Variants in DLEC1 observed in about 807,000 individuals in gnomAD.
The protein encoded by DLEC1 is DLEC1 cilia and flagella associated protein.
A neutral mutation model predicts 198.1 loss-of-function variants in DLEC1; 146 were observed. The ratio of observed to expected loss-of-function variants is 0.74; its 90% CI spans 0.64 to 0.85. DLEC1 has a LOEUF of 0.85. Ranked by LOEUF, DLEC1 falls within the 40% of genes least tolerant of loss-of-function variation. The probability of loss-of-function intolerance (pLI) is 0.00; values close to 1 mark genes in which losing one functional copy is unlikely to be tolerated. For synonymous variants in DLEC1, 897 were observed against 866.8 expected (o/e 1.03, Z -0.61); for missense variants, 2,233 against 2,220.0 (o/e 1.01, Z -0.12).
intron 27 of DLEC1, among the ~76,000 whole-genome samples, chr3:38,115,828 C>A (rs1700126642): frequency 6.6e-6 from 1 of 151,962 alleles, no homozygotes; most frequent in Admixed American, 6.6e-5. Context: ...TTGACATTGT[C>A]ATGGTGCAGG....
chr3:38,058,721 A>C (rs963918444), intron 2 of DLEC1, among the ~76,000 whole-genome samples: 3 of 152,012 alleles, frequency 2.0e-5, no homozygotes, highest in Non-Finnish European at 4.4e-5. Context: ...GTAAACATGG[A>C]CTTTGGGTGA....
intron 10 of DLEC1, among the ~76,000 whole-genome samples, chr3:38,092,102 G>C (rs527251682): frequency 6.6e-6 from 1 of 152,208 alleles, no homozygotes; most frequent in Non-Finnish European, 1.5e-5. Flanking sequence ...AAAGATATCC[G>C]CACTCTTATG....
rs1192532652 is a variant in DLEC1, at chr3:38,122,569, C to T, written c.*157C>T. 1.3e-6 allele frequency: 2 copies of T among 1,599,038 alleles called. No homozygotes were observed. The highest frequency in any genetic ancestry group is 1.7e-6 in the Non-Finnish European group (2 of 1,175,518). ...GAACCCCCTTCCACAATGGTCTCAG[C>T]CTAGGCCCTCATGATATGTCCTCAG... On this transcript the variant is annotated 3_prime_UTR_variant, in exon 37 of 37. Coordinates refer to ENST00000308059, the MANE Select transcript of DLEC1 (RefSeq NM_007335.4).
In DLEC1 at chr3:38,116,500, C is replaced by A. The variant is rs754911372; in HGVS notation, c.3904C>A (p.Arg1302=). The change falls in exon 28 of 37, where the codon CGG becomes AGG. Residue 1302 remains arginine (R), a synonymous_variant. Transcript: ENST00000308059. ...ETYVPEDKED[R]LVELLVFYGP... is the part of the protein sequence containing the mutation. ...CTATGTTCCAGAAGACAAGGAAGAC[C>A]GGCTGGTGGAGCTGCTGGTGTTTTA... 2 of 1,613,972 alleles carry A rather than the reference C, an allele frequency of 1.2e-6. No homozygotes were observed. Among genetic ancestry groups the A allele is most frequent in the Non-Finnish European group, 1.7e-6 (2 of 1,180,008 alleles).
In DLEC1 at chr3:38,114,440, C is replaced by T; in HGVS notation, c.3765C>T (p.Ala1255=). 1 of 1,614,222 alleles carries T rather than the reference C, an allele frequency of 6.2e-7. No individual in the cohort carries two copies. The highest frequency in any genetic ancestry group is 2.2e-5 in the East Asian group (1 of 44,878). ...LRTTSYTIDQ[A]QKEPAMRFGT... The stretch of plus-strand genomic sequence containing the variant: ...CCACCTCCTACACTATTGACCAGGC[C>T]CAGAAGGAACCAGCCATGAGGTGCT... Residue 1255 remains alanine (A), a synonymous_variant, in exon 26 of 37, where the codon GCC becomes GCT. Coordinates refer to ENST00000308059, the MANE Select transcript of DLEC1 (RefSeq NM_007335.4).
intron 6 of DLEC1, among the ~76,000 whole-genome samples, chr3:38,082,054 G>A (rs1278432882): frequency 7.4e-6 from 1 of 136,022 alleles, no homozygotes; most frequent in East Asian, 2.3e-4. Flanking sequence ...TGGTTGCCAG[G>A]CAGAGGGTCT....
At chr3:38,116,390 G>A in intron 27 of DLEC1, 63 bp from the exon 28 acceptor site, 1 of 1,571,022 alleles carries the variant, frequency 6.4e-7, no homozygotes, top group South Asian at 1.1e-5. Flanking sequence ...TGAGGAGGAG[G>A]GGGCCCCGGG....
intron 14 of DLEC1, 56 bp from the exon 15 acceptor site, chr3:38,096,513 T>C: frequency 6.4e-7 from 1 of 1,570,264 alleles, no homozygotes; most frequent in South Asian, 1.2e-5. Context: ...GCAGGGACAC[T>C]CTAGGATGTG....
At chr3:38,066,663 G>T (rs1220181282) in intron 6 of DLEC1, among the ~76,000 whole-genome samples, 1 of 152,162 alleles carries the variant, frequency 6.6e-6, no homozygotes, top group African/African-American at 2.4e-5. Context: ...TGCTCACCAG[G>T]TACAAAGACA....
In DLEC1 at chr3:38,045,594, C is replaced by T. The variant is rs1559390429; in HGVS notation, c.463C>T (p.His155Tyr). Residue 155 changes from histidine to tyrosine, a missense_variant, in exon 2 of 37, where the codon CAT becomes TAT. Coordinates refer to ENST00000308059, the MANE Select transcript of DLEC1 (RefSeq NM_007335.4). ...RLDEFEMLERHITQAQARAIA... is the reference protein window; with the variant it reads ...RLDEFEMLERYITQAQARAIA... ...GGATGAGTTTGAAATGTTGGAGAGA[C>T]ATATCACTCAGGCCCAAGCACGGGC... The T allele has an allele frequency of 6.2e-7, 1 of 1,614,110 alleles. No individual in the cohort carries two copies. The highest frequency in any genetic ancestry group is 1.1e-5 in the South Asian group (1 of 91,074).
At chr3:38,065,272 A>C (rs1348637983) in intron 6 of DLEC1, among the ~76,000 whole-genome samples, 1 of 152,192 alleles carries the variant, frequency 6.6e-6, no homozygotes, top group African/African-American at 2.4e-5. Context: ...GGTTGTAGTG[A>C]GTCGAGATGG....
chr3:38,076,242 G>T (rs1697611051), intron 6 of DLEC1, among the ~76,000 whole-genome samples: 1 of 152,220 alleles, frequency 6.6e-6, no homozygotes, highest in South Asian at 2.1e-4. Flanking sequence ...AAATTGGTGA[G>T]ATGTTTCTTG....
At chr3:38,090,093 G>A (rs561436683) in intron 10 of DLEC1, among the ~76,000 whole-genome samples, 2 of 152,182 alleles carry the variant, frequency 1.3e-5, no homozygotes, top group South Asian at 4.1e-4. Context: ...CACTTTGGGA[G>A]GTCAAGATAG....
chr3:38,062,768 T>C lies in DLEC1; in HGVS notation c.1061T>C (p.Ile354Thr), dbSNP rs1406361256. 6.2e-7 allele frequency: 1 copy of C among 1,613,900 alleles called. No homozygotes were observed. Among genetic ancestry groups the C allele is most frequent in the African/African-American group, 1.3e-5 (1 of 74,900 alleles). The change falls in exon 5 of 37, where the codon ATA (isoleucine) becomes ACA (threonine). Residue 354 changes from isoleucine to threonine, a missense_variant. By Grantham distance (89) the Ile-to-Thr change is moderately conservative. Coordinates refer to ENST00000308059, the MANE Select transcript of DLEC1 (RefSeq NM_007335.4). Reference protein sequence around the residue: ...LVFPPKKPAPIGEFQSTEPEQ... With the variant: ...LVFPPKKPAPTGEFQSTEPEQ... ...TTTCCTCCAAAGAAGCCAGCACCGATAGGAGAATTCCAGAGTACAGAGCCA... is the reference window on the plus strand; with the variant it reads ...TTTCCTCCAAAGAAGCCAGCACCGACAGGAGAATTCCAGAGTACAGAGCCA...
At chr3:38,076,095 T>C (rs1011460682) in intron 6 of DLEC1, among the ~76,000 whole-genome samples, 1 of 152,124 alleles carries the variant, frequency 6.6e-6, no homozygotes, top group African/African-American at 2.4e-5. Flanking sequence ...CCTTTGTCTC[T>C]ACCAGAAAAT....
intron 20 of DLEC1, among the ~76,000 whole-genome samples, chr3:38,108,202 T>G (rs893166459): frequency 9.2e-5 from 14 of 152,218 alleles, no homozygotes; most frequent in Admixed American, 2.0e-4. Flanking sequence ...CAACAAGTGG[T>G]AAAGTCCATC....
Position 38,116,629 on chromosome 3 carries a change from T to C in DLEC1, c.4033T>C (p.Ser1345Pro), listed in dbSNP as rs763019244. 5.0e-6 allele frequency: 8 copies of C among 1,613,920 alleles called. No homozygotes were observed. The East Asian group carries it at 1.6e-4, about 31-fold the overall frequency. The change falls in exon 28 of 37, where the codon TCG becomes CCG. Residue 1345 changes from serine (S) to proline (P), a missense_variant. Coordinates refer to ENST00000308059, the MANE Select transcript of DLEC1 (RefSeq NM_007335.4). ...LLWSPGPSSS[S>P]EFSHETDSSV... The stretch of plus-strand genomic sequence containing the variant: ...CTGGTCCCCAGGCCCCTCCAGTTCA[T>C]CGGAATTCAGCCATGAAACTGACTC...
chr3:38,046,344 C>A (rs1700886620), intron 2 of DLEC1, among the ~76,000 whole-genome samples: 1 of 152,068 alleles, frequency 6.6e-6, no homozygotes, highest in Non-Finnish European at 1.5e-5. Context: ...ATGGGAGGGA[C>A]CTGGTGGAAG....
At chr3:38,093,893 A>C in intron 12 of DLEC1, 126 bp downstream of exon 12, 2 of 1,258,476 alleles carry the variant, frequency 1.6e-6, no homozygotes, top group Non-Finnish European at 2.2e-6. Context: ...GGATATCCAA[A>C]TTCAATTGAG....
Sources: allele counts gnomAD v4.1 joint callset (sites outside exome capture counted in the v4.1 genomes callset), GRCh38; gene constraint gnomAD v4.1.1; transcripts MANE v1.5; gene names NCBI Gene and HGNC (gene_info 2026-07-23, HGNC 2026-07-21).